ANK3: variants seen among roughly 807,000 people sequenced by gnomAD.
The protein encoded by ANK3 is ankyrin-3.
In ANK3, 57 loss-of-function variants were observed where a neutral mutation model predicts 370.9. The observed-to-expected ratio is 0.15, with a 90% CI of 0.12 to 0.19. The LOEUF (loss-of-function observed/expected upper bound fraction) is 0.19, where lower values mean the gene tolerates loss of function less well. Among genes scored for constraint, ANK3 ranks in the 10% least tolerant of loss-of-function variants. The pLI, the probability that ANK3 is intolerant of heterozygous loss-of-function variation, is 1.00. For synonymous variants in ANK3, 1,929 were observed against 1,946.3 expected (o/e 0.99, Z 0.23); for missense variants, 4,439 against 5,302.1 (o/e 0.84, Z 5.06).
At chr10:60,109,712 A>G (rs1369680826) in intron 26 of ANK3, among the ~76,000 whole-genome samples, 1 of 152,228 alleles carries the variant, frequency 6.6e-6, no homozygotes, top group Non-Finnish European at 1.5e-5. Flanking sequence ...AAAAAGTGGA[A>G]CTTAGACTTT....
At chr10:60,373,285 A>G (rs2060343615) in intron 1 of ANK3, among the ~76,000 whole-genome samples, 1 of 152,170 alleles carries the variant, frequency 6.6e-6, no homozygotes, top group Admixed American at 6.5e-5. Context: ...GAGAAGATTT[A>G]AATGTCCGTC....
chr10:60,395,550 C>CTTTCTTTCTTTCTT lies in ANK3; in HGVS notation c.97-115912_97-115911insAAGAAAGAAAGAAA, dbSNP rs1567004087. Among the ~76,000 whole-genome samples, 29 of 108,426 alleles carry CTTTCTTTCTTTCTT rather than the reference C, an allele frequency of 2.7e-4. 2 individuals carry two copies. Among genetic ancestry groups the CTTTCTTTCTTTCTT allele is most frequent in the Middle Eastern group, 4.3e-3 (1 of 232 alleles). 71.1% of individuals were successfully genotyped at this position (108,426 alleles called of 152,430 possible). On this transcript the variant is annotated intron_variant, in intron 2 of 43. Transcript: ENST00000373827. Reference sequence around the variant, plus strand: ...AACACTTAGCAATCAACTACTATGCCTCTTTCTTTCTTTCTTTCTTTCTTT... The same window carrying CTTTCTTTCTTTCTT: ...AACACTTAGCAATCAACTACTATGCCTTTCTTTCTTTCTTTCTTTCTTTCTTTCTTTCTTTCTTT...
In ANK3 at chr10:60,070,796, C is replaced by T. The variant is rs746638120; in HGVS notation, c.10085G>A (p.Ser3362Asn). ...TTCATTATCTTTTCCAGATCCATTA[C>T]TTTCCAGTTCTTTCTGGTTGGAAGC... is the stretch of plus-strand genomic sequence containing the variant. ...EKASNQKELE[S>N]NGSGKDNEFG... Residue 3362 changes from serine to asparagine, a missense_variant, in exon 37 of 44, where the codon AGT becomes AAT. Physicochemically the swap from Ser to Asn is conservative, Grantham distance 46. Around this residue, in one of 13 missense-constraint regions of ANK3, gnomAD observed 1,601 missense variants for 1,731.7 expected, o/e 0.92. Transcript: ENST00000280772. The surrounding 1 kb of genome is among the most constrained non-coding windows in gnomAD (Gnocchi z 5.7). The T allele has an allele frequency of 2.5e-6, 4 of 1,614,200 alleles. No homozygotes were observed. Among genetic ancestry groups the T allele is most frequent in the Non-Finnish European group, 3.4e-6 (4 of 1,180,028 alleles).
intron 1 of ANK3, among the ~76,000 whole-genome samples, chr10:60,672,023 C>T (rs1428825178): frequency 1.3e-5 from 2 of 152,210 alleles, no homozygotes; most frequent in Non-Finnish European, 2.9e-5. Flanking sequence ...ATTCCTAACC[C>T]ACAGAAACTG....
intron 2 of ANK3, among the ~76,000 whole-genome samples, chr10:60,518,115 G>T (rs2076265118): frequency 6.7e-6 from 1 of 149,728 alleles, no homozygotes; most frequent in Admixed American, 6.7e-5. Flanking sequence ...CTAGAGGTTG[G>T]CATGGCTAAA....
chr10:60,301,062 G>C (rs2043592853), intron 1 of ANK3, among the ~76,000 whole-genome samples: 2 of 149,428 alleles, frequency 1.3e-5, no homozygotes, highest in Non-Finnish European at 3.0e-5. Context: ...ACAGCACTAT[G>C]CCAAACTCAT....
chr10:60,699,610 G>A (rs1053574057), intron 1 of ANK3, among the ~76,000 whole-genome samples: 1 of 151,740 alleles, frequency 6.6e-6, no homozygotes, highest in Non-Finnish European at 1.5e-5. Flanking sequence ...TTACCAAGAA[G>A]CATAATATAA....
intron 7 of ANK3, among the ~76,000 whole-genome samples, chr10:60,241,433 T>A (rs1387333535): frequency 6.6e-6 from 1 of 152,140 alleles, no homozygotes; most frequent in Non-Finnish European, 1.5e-5. Flanking sequence ...TACATTAGCA[T>A]TTGGGAAGTT....
At chr10:60,343,871 G>A (rs2054818646) in intron 1 of ANK3, among the ~76,000 whole-genome samples, 2 of 152,178 alleles carry the variant, frequency 1.3e-5, no homozygotes, top group South Asian at 4.1e-4. Context: ...GCTGATGCGG[G>A]GCTGGAGAAT....
chr10:60,598,754 A>T (rs2078021694), intron 2 of ANK3, among the ~76,000 whole-genome samples: 1 of 152,240 alleles, frequency 6.6e-6, no homozygotes, highest in Admixed American at 6.5e-5. Flanking sequence ...CTAAATAGTA[A>T]CATCACTATG....
At chr10:60,095,837 G>T (rs1166375821) in intron 28 of ANK3, among the ~76,000 whole-genome samples, 1 of 152,076 alleles carries the variant, frequency 6.6e-6, no homozygotes, top group African/African-American at 2.4e-5. Flanking sequence ...ACTTTCATAA[G>T]AATATAAACC....
Position 60,483,717 on chromosome 10 carries a change from C to A in ANK3, c.96+131469G>T, listed in dbSNP as rs149557226. On this transcript the variant is annotated intron_variant, in intron 2 of 43. Coordinates refer to the ANK3 transcript ENST00000373827. Reference sequence around the variant, plus strand: ...AGCCTGAATGTTTTCTCGACCTCCCCCTCCAGCCCCCAGGAACTCATGGAG... The same window carrying A: ...AGCCTGAATGTTTTCTCGACCTCCCACTCCAGCCCCCAGGAACTCATGGAG... 7.8e-3 allele frequency among the ~76,000 whole-genome samples: 1,190 copies of A among 152,218 alleles called. 7 individuals are homozygous for A. Among genetic ancestry groups the A allele is most frequent in the South Asian group, 0.016 (75 of 4,822 alleles).
intron 2 of ANK3, among the ~76,000 whole-genome samples, chr10:60,398,390 C>G (rs1209943886): frequency 6.6e-6 from 1 of 152,148 alleles, no homozygotes; most frequent in Non-Finnish European, 1.5e-5. Context: ...GGTGAATGGA[C>G]AGCATGGTCA....
intron 6 of ANK3, among the ~76,000 whole-genome samples, chr10:60,262,770 C>T (rs79391965): frequency 0.034 from 5,161 of 152,218 alleles, 286 homozygotes; most frequent in African/African-American, 0.12. Context: ...CCCTAAAAAA[C>T]GAGTCCTGGA....
chr10:60,223,251 C>G lies in ANK3; in HGVS notation c.898-9741G>C, dbSNP rs559149796. Among the ~76,000 whole-genome samples the G allele has an allele frequency of 2.6e-5, 4 of 152,296 alleles. No individual in the cohort carries two copies. The South Asian group carries it at 8.3e-4, about 32-fold the overall frequency. On this transcript the variant is annotated intron_variant, in intron 8 of 43. Coordinates refer to ENST00000280772, the MANE Select transcript of ANK3 (RefSeq NM_020987.5). ...TCAAGTCAGTTTAGCCAGAAGTGCC[C>G]CTACCCTTGACATTTCCTCTTAGTA...
chr10:60,136,570 A>T (rs2094354893), intron 24 of ANK3, among the ~76,000 whole-genome samples: 1 of 152,220 alleles, frequency 6.6e-6, no homozygotes, highest in South Asian at 2.1e-4. Context: ...ATTCATTTTA[A>T]TTTCATTTTT....
chr10:60,269,463 G>A (rs943494438), intron 5 of ANK3, among the ~76,000 whole-genome samples: 23 of 152,070 alleles, frequency 1.5e-4, no homozygotes, highest in Non-Finnish European at 2.8e-4. Flanking sequence ...GGCCAAGATG[G>A]TGAAACCCTG....
chr10:60,572,591 C>A, intron 2 of ANK3: 1 of 1,524,346 alleles, frequency 6.6e-7, no homozygotes, highest in East Asian at 2.5e-5. Flanking sequence ...ACATCCAAAA[C>A]CACGGCAAAG....
intron 25 of ANK3, among the ~76,000 whole-genome samples, chr10:60,131,744 G>A (rs2094081696): frequency 6.6e-6 from 1 of 152,196 alleles, no homozygotes; most frequent in African/African-American, 2.4e-5. Context: ...TGCAGAAGGT[G>A]GGTGGTAGAG....
Sources: gnomAD v4.1 joint callset for allele counts (sites outside exome capture counted in the v4.1 genomes callset) on GRCh38, gnomAD v4.1.1 for gene constraint, gnomAD v4.1.1 regional missense constraint, Gnocchi (gnomAD v3.1) non-coding constraint, MANE v1.5 for transcripts, NCBI Gene and HGNC (gene_info 2026-07-23, HGNC 2026-07-21) for gene names.